DENR: variants seen among roughly 807,000 people sequenced by gnomAD.
DENR encodes the protein density regulated re-initiation and release factor, also known as density-regulated protein.
A neutral mutation model predicts 30.6 loss-of-function variants in DENR; 6 were observed. The ratio of observed to expected loss-of-function variants is 0.20; its 90% CI spans 0.11 to 0.39. DENR has a LOEUF of 0.39. Among genes scored for constraint, DENR ranks in the 10% least tolerant of loss-of-function variants. DENR has a pLI of 1.00. For missense variants in DENR, 141 were observed against 230.9 expected, an observed-to-expected ratio of 0.61 and a Z score of 2.52; for synonymous variants, 78 against 72.1, an observed-to-expected ratio of 1.08 and a Z score of -0.41.
Position 122,762,939 on chromosome 12 carries a change from T to A in DENR, c.211+10T>A. On this transcript the variant is annotated intron_variant, in intron 4 of 7. Coordinates refer to ENST00000280557, the MANE Select transcript of DENR (RefSeq NM_003677.5). ...GCAAAACTTACTGTAGGTATGAACATTTTTTTTCTTGCATTAAACTTCTGT... is the reference window on the plus strand; with the variant it reads ...GCAAAACTTACTGTAGGTATGAACAATTTTTTTCTTGCATTAAACTTCTGT... 6.8e-7 allele frequency: 1 copy of A among 1,472,274 alleles called. No homozygotes were observed. The highest frequency in any genetic ancestry group is 1.7e-4 in the Middle Eastern group (1 of 5,786). The allele number at this position is 1,472,274 out of a possible 1,614,324, so 91.2% of individuals were successfully genotyped here.
At chr12:122,754,393 T>A (rs548841776) in intron 2 of DENR, 1 of 152,946 alleles carries the variant, frequency 6.5e-6, no homozygotes, top group Non-Finnish European at 1.5e-5. Flanking sequence ...CGAGTGTTTT[T>A]CTTCATTTTC....
intron 4 of DENR, 126 bp downstream of exon 4, chr12:122,763,055 T>C: frequency 1.6e-6 from 1 of 624,158 alleles, no homozygotes; most frequent in Non-Finnish European, 2.8e-6. Flanking sequence ...ATCTGTTAGC[T>C]GTTTAAGTTC....
At chr12:122,768,554 G>A (rs181340467) in intron 6 of DENR, among the ~76,000 whole-genome samples, 135 of 152,128 alleles carry the variant, frequency 8.9e-4, no homozygotes, top group African/African-American at 3.0e-3. Context: ...TATGAGTAAG[G>A]GGTAGTATAG....
intron 2 of DENR, among the ~76,000 whole-genome samples, chr12:122,761,781 C>T (rs573260483): frequency 2.0e-5 from 3 of 152,112 alleles, no homozygotes; most frequent in Non-Finnish European, 2.9e-5. Flanking sequence ...CACCACTGCA[C>T]CCCAGCCTGG....
rs553299557 is a variant in DENR, at chr12:122,760,566, C to T, written c.107-1621C>T. 4.0e-5 allele frequency among the ~76,000 whole-genome samples: 6 copies of T among 151,708 alleles called. No homozygotes were observed. The South Asian group carries it at 8.3e-4, about 21-fold the overall frequency. The stretch of plus-strand genomic sequence containing the variant: ...CTAATACTGTGAAACCCCGTCTTTA[C>T]TAAAAATACAAAAAATTAGCCGGGC... On this transcript the variant is annotated intron_variant, in intron 2 of 7. Coordinates refer to ENST00000280557, the MANE Select transcript of DENR (RefSeq NM_003677.5).
At position 122,753,759 on chromosome 12, in the gene DENR, A is replaced by G; in HGVS notation, c.58A>G (p.Ser20Gly). ...GADCKGDPRN[S>G]AKLDADYPLR... The stretch of plus-strand genomic sequence containing the variant: ...TGACTGCAAAGGAGACCCAAGGAAC[A>G]GTGCCAAGTTAGATGCCGATTACCC... The change falls in exon 2 of 8, where the codon AGT becomes GGT. Residue 20 changes from serine to glycine, a missense_variant. By Grantham distance (56) the Ser-to-Gly change is moderately conservative. Around this residue, in one of 2 missense-constraint regions of DENR, gnomAD observed 104 missense variants for 138.3 expected, o/e 0.75. Transcript: ENST00000280557. 6.2e-7 allele frequency: 1 copy of G among 1,614,076 alleles called. No homozygotes were observed. The highest frequency in any genetic ancestry group is 1.7e-5 in the Admixed American group (1 of 60,034).
intron 5 of DENR, among the ~76,000 whole-genome samples, chr12:122,765,723 A>G (rs1488985657): frequency 5.3e-5 from 8 of 152,174 alleles, no homozygotes; most frequent in Admixed American, 5.2e-4. Flanking sequence ...TAATAGGATC[A>G]TGGTTGGATG....
rs556742601 is a variant in DENR at position 122,755,565 on chromosome 12, C to T, written c.106+1758C>T. 6.4e-4 allele frequency among the ~76,000 whole-genome samples: 97 copies of T among 152,176 alleles called. 2 individuals are homozygous for T. In the South Asian group the frequency reaches 0.018, roughly 29 times the overall value. On this transcript the variant is annotated intron_variant, in intron 2 of 7. Coordinates refer to ENST00000280557, the MANE Select transcript of DENR (RefSeq NM_003677.5). ...TTGCACTCCCACCCGGGCAACAGTGCGAGACCCCATCTCAAAAATAAAAAA... is the reference window on the plus strand; with the variant it reads ...TTGCACTCCCACCCGGGCAACAGTGTGAGACCCCATCTCAAAAATAAAAAA...
intron 2 of DENR, among the ~76,000 whole-genome samples, chr12:122,759,437 A>G (rs568240359): frequency 6.6e-6 from 1 of 152,278 alleles, no homozygotes; most frequent in African/African-American, 2.4e-5. Flanking sequence ...GAACCGGGCC[A>G]GGCACAGTGG....
At chr12:122,765,198 G>A in intron 4 of DENR, 106 bp from the exon 5 acceptor site, 1 of 796,490 alleles carries the variant, frequency 1.3e-6, no homozygotes, top group South Asian at 1.8e-5. Context: ...ATGCTCAGCT[G>A]TTGGTAAGAT....
Position 122,769,210 on chromosome 12 carries a change from A to G in DENR, c.*132A>G. On this transcript the variant is annotated 3_prime_UTR_variant, in exon 8 of 8. Transcript: ENST00000280557. ...TACACATATATGTATGTATACACAT[A>G]TACACATGTATATATACATGTGTGT... The G allele has an allele frequency of 1.1e-6, 1 of 887,270 alleles. No individual in the cohort carries two copies. Among genetic ancestry groups the G allele is most frequent in the Non-Finnish European group, 1.5e-6 (1 of 688,410 alleles). 55.0% of individuals were successfully genotyped at this position (887,270 alleles called of 1,614,324 possible).
At chr12:122,753,285 C>T (rs578105806) in intron 1 of DENR, among the ~76,000 whole-genome samples, 21 of 152,188 alleles carry the variant, frequency 1.4e-4, no homozygotes, top group Admixed American at 8.5e-4. Context: ...GATGACCCAC[C>T]CCTTGTTCCT....
intron 2 of DENR, among the ~76,000 whole-genome samples, chr12:122,756,508 G>A (rs928623228): frequency 6.6e-6 from 1 of 152,172 alleles, no homozygotes; most frequent in Non-Finnish European, 1.5e-5. Context: ...TGTCAGTACA[G>A]GAGGGGAGAG....
intron 5 of DENR, among the ~76,000 whole-genome samples, 162 bp downstream of exon 5, chr12:122,765,549 C>G (rs1878825071): frequency 6.6e-6 from 1 of 152,078 alleles, no homozygotes; most frequent in Non-Finnish European, 1.5e-5. Context: ...CCCAGGAGTT[C>G]AAGGCTGTAG....
At chr12:122,763,976 G>T (rs1037669926) in intron 4 of DENR, among the ~76,000 whole-genome samples, 1 of 152,182 alleles carries the variant, frequency 6.6e-6, no homozygotes, top group East Asian at 1.9e-4. Flanking sequence ...TGCTGAAAAG[G>T]TGGCAGTTGA....
chr12:122,766,712 T>C (rs959337029), intron 5 of DENR, among the ~76,000 whole-genome samples: 7 of 152,216 alleles, frequency 4.6e-5, no homozygotes, highest in Admixed American at 4.6e-4. Flanking sequence ...ACATTCTCTT[T>C]CTCCCTTTAC....
intron 2 of DENR, among the ~76,000 whole-genome samples, chr12:122,756,177 G>A (rs948719601): frequency 6.6e-6 from 1 of 152,124 alleles, no homozygotes; most frequent in Admixed American, 6.6e-5. Context: ...GGCCAGGCGC[G>A]GTGGCTCACA....
intron 5 of DENR, among the ~76,000 whole-genome samples, 198 bp from the exon 6 acceptor site, chr12:122,767,290 G>A (rs1878875413): frequency 1.3e-5 from 2 of 152,150 alleles, no homozygotes; most frequent in Non-Finnish European, 2.9e-5. Flanking sequence ...GTTCACTTTT[G>A]TATCCTCGGC....
At position 122,770,758 on chromosome 12, in the gene DENR, T is replaced by A. The variant is rs1382787363; in HGVS notation, c.*1680T>A. 2.5e-6 allele frequency: 1 copy of A among 398,472 alleles called. No individual in the cohort carries two copies. The highest frequency in any genetic ancestry group is 4.4e-6 in the Non-Finnish European group (1 of 226,024). The allele number at this position is 398,472 out of a possible 1,614,324, so 24.7% of individuals were successfully genotyped here. ...ATTACAATCTTGAATGAGTGTTTTT[T>A]AAAAATAAAGTATTAGAAAAATGTG... On this transcript the variant is annotated 3_prime_UTR_variant, in exon 8 of 8. Transcript: ENST00000280557.
Sources: allele counts gnomAD v4.1 joint callset (sites outside exome capture counted in the v4.1 genomes callset), GRCh38; gene constraint gnomAD v4.1.1; regional missense constraint gnomAD v4.1.1; transcripts MANE v1.5; gene names NCBI Gene and HGNC (gene_info 2026-07-23, HGNC 2026-07-21).